ILDR2: variants seen among roughly 807,000 people sequenced by gnomAD.
The protein encoded by ILDR2 is immunoglobulin like domain containing receptor 2.
ILDR2 carries 25 observed loss-of-function variants against 66.8 expected under a neutral mutation model. The observed-to-expected ratio is 0.37, with a 90% confidence interval of 0.27 to 0.52. ILDR2 has a LOEUF of 0.52. ILDR2 is among the 20% of genes least tolerant of loss of function. The probability of loss-of-function intolerance (pLI) is 0.88; values close to 1 mark genes in which losing one functional copy is unlikely to be tolerated. For missense variants in ILDR2, 827 were observed against 876.8 expected, an observed-to-expected ratio of 0.94 and a Z score of 0.72; for synonymous variants, 367 against 357.2, an observed-to-expected ratio of 1.03 and a Z score of -0.31.
At position 166,971,156 on chromosome 1, in the gene ILDR2, C is replaced by A. The variant is rs573235814; in HGVS notation, c.46+4067G>T. Among the ~76,000 whole-genome samples, 18 of 152,338 alleles carry A rather than the reference C, an allele frequency of 1.2e-4. No homozygotes were observed. The South Asian group carries it at 3.3e-3, about 28-fold the overall frequency. The stretch of plus-strand genomic sequence containing the variant: ...TCCAGAGTACAGATCTTTATCACTG[C>A]TTTTGCACAATGCTACTCCATAACT... On this transcript the variant is annotated intron_variant, in intron 1 of 9. Transcript: ENST00000271417.
chr1:166,912,165 T>C lies in ILDR2; in HGVS notation c.*7190A>G, dbSNP rs960011935. On this transcript the variant is annotated 3_prime_UTR_variant, in exon 10 of 10. Coordinates refer to ENST00000271417, the MANE Select transcript of ILDR2 (RefSeq NM_199351.3). Reference sequence around the variant, plus strand: ...AGATTAGGAAGGATAATTAAACTGGTAATTGACTTCTTAAAAGCAAAAATA... The same window carrying C: ...AGATTAGGAAGGATAATTAAACTGGCAATTGACTTCTTAAAAGCAAAAATA... The C allele has an allele frequency of 3.2e-4, 48 of 152,178 alleles. No individual in the cohort carries two copies. The highest frequency in any genetic ancestry group is 1.1e-3 in the African/African-American group (46 of 41,448). 9.4% of individuals were successfully genotyped at this position (152,178 alleles called of 1,614,324 possible). A position where few individuals can be genotyped will look rare whatever the true frequency, so the allele number is the denominator to read the frequency against.
intron 2 of ILDR2, among the ~76,000 whole-genome samples, chr1:166,897,343 C>A (rs766031816): frequency 6.6e-6 from 1 of 152,022 alleles, no homozygotes; most frequent in Non-Finnish European, 1.5e-5. Context: ...TCTCTGGTTC[C>A]GGGGAGGTAA....
chr1:166,967,971 G>A (rs1453480818), intron 1 of ILDR2, among the ~76,000 whole-genome samples: 1 of 152,074 alleles, frequency 6.6e-6, no homozygotes, highest in African/African-American at 2.4e-5. Context: ...GGATCTCATT[G>A]TGTCTCGCCA....
chr1:166,921,726 C>CAA lies in ILDR2; in HGVS notation c.1212-348_1212-347insTT, dbSNP rs1659956303. Among the ~76,000 whole-genome samples, 1 of 152,226 alleles carries CAA rather than the reference C, an allele frequency of 6.6e-6. No homozygotes were observed. The highest frequency in any genetic ancestry group is 2.4e-5 in the African/African-American group (1 of 41,464). On this transcript the variant is annotated intron_variant, in intron 8 of 9. Coordinates refer to ENST00000271417, the MANE Select transcript of ILDR2 (RefSeq NM_199351.3). The surrounding 1 kb of genome is among the most constrained non-coding windows in gnomAD (Gnocchi z 5.3). ...CACGTCTCCACCCTCAAAGCCAGCG[C>CAA]AGGTGTCAGTACACACAGTTATGGT...
At chr1:166,926,926 T>C in intron 7 of ILDR2, 141 bp downstream of exon 7, 2 of 547,168 alleles carry the variant, frequency 3.7e-6, no homozygotes, top group South Asian at 5.8e-5. Context: ...TGAGAGCTAC[T>C]TTCTTCAGTA....
At chr1:166,920,679 G>A (rs903796362) in intron 9 of ILDR2, 28 bp downstream of exon 9, 7 of 1,357,860 alleles carry the variant, frequency 5.2e-6, no homozygotes, top group Non-Finnish European at 6.7e-6. Context: ...CAGTCCCCTC[G>A]GAGGAGGGGA....
intron 2 of ILDR2, among the ~76,000 whole-genome samples, chr1:166,898,743 TG>T (rs1360311971): frequency 6.6e-6 from 1 of 152,202 alleles, no homozygotes; most frequent in African/African-American, 2.4e-5. Context: ...GTCCCTAGTA[TG>T]TACTTAGTGT....
chr1:166,922,451 C>T, intron 8 of ILDR2, 142 bp downstream of exon 8: 2 of 699,722 alleles, frequency 2.9e-6, no homozygotes, highest in South Asian at 3.4e-5. Flanking sequence ...GTTCAATATC[C>T]TGTAGAAAGA....
intron 1 of ILDR2, among the ~76,000 whole-genome samples, chr1:166,968,148 G>C (rs1162195027): frequency 6.6e-6 from 1 of 152,170 alleles, no homozygotes; most frequent in Non-Finnish European, 1.5e-5. Flanking sequence ...GAGCACAAAA[G>C]CTCCTTTCAG....
intron 1 of ILDR2, among the ~76,000 whole-genome samples, chr1:166,970,635 G>C (rs540430950): frequency 2.5e-4 from 38 of 152,284 alleles, no homozygotes; most frequent in Non-Finnish European, 4.7e-4. Flanking sequence ...TACTAACACT[G>C]AACTAAGCAC....
intron 6 of ILDR2, among the ~76,000 whole-genome samples, chr1:166,929,331 A>G (rs1037324328): frequency 3.3e-5 from 5 of 152,214 alleles, no homozygotes; most frequent in Non-Finnish European, 7.4e-5. Context: ...TCATAGCTTG[A>G]AAAGTTCTGT....
intron 2 of ILDR2, among the ~76,000 whole-genome samples, chr1:166,902,107 G>A (rs1007008571): frequency 4.6e-5 from 7 of 152,152 alleles, no homozygotes; most frequent in Admixed American, 2.0e-4. Flanking sequence ...TGATACACCC[G>A]CCTTGGCCTC....
rs1659909163 is a variant in ILDR2 at position 166,921,163 on chromosome 1, C to T, written c.1428G>A (p.Glu476=). The change falls in exon 9 of 10, where the codon GAG becomes GAA. Residue 476 remains glutamate (E), a synonymous_variant. Coordinates refer to ENST00000271417, the MANE Select transcript of ILDR2 (RefSeq NM_199351.3). The surrounding 1 kb of genome is among the most constrained non-coding windows in gnomAD (Gnocchi z 5.3). ...GGCTGCGGCTGCGCTGACCGTAGTA[C>T]TCCTCCAAGGAGTCGTCCTGGTAGA... ...SGFYQDDSLE[E]YYGQRSRSRE... 2.6e-6 allele frequency: 4 copies of T among 1,546,152 alleles called. No homozygotes were observed. The highest frequency in any genetic ancestry group is 3.5e-6 in the Non-Finnish European group (4 of 1,152,792).
chr1:166,936,334 A>G lies in ILDR2; in HGVS notation c.703+257T>C, dbSNP rs1205558035. On this transcript the variant is annotated intron_variant, in intron 5 of 9. Transcript: ENST00000271417. The surrounding 1 kb of genome is among the most constrained non-coding windows in gnomAD (Gnocchi z 5.0). ...CCAAACCTGCCCTTCCATTTTATCA[A>G]TAGTGTCCATGAGAATTCCAAATGC... Among the ~76,000 whole-genome samples the G allele has an allele frequency of 2.6e-5, 4 of 152,156 alleles. No homozygotes were observed. Among genetic ancestry groups the G allele is most frequent in the Non-Finnish European group, 4.4e-5 (3 of 68,030 alleles).
intron 3 of ILDR2, among the ~76,000 whole-genome samples, chr1:166,941,756 C>T (rs1661323312): frequency 6.6e-6 from 1 of 152,074 alleles, no homozygotes; most frequent in African/African-American, 2.4e-5. Flanking sequence ...TGTTTACTCT[C>T]CACTTCTCAA....
Position 166,919,181 on chromosome 1 carries a change from G to C in ILDR2, c.*174C>G, listed in dbSNP as rs932906385. 4 of 610,166 alleles carry C rather than the reference G, an allele frequency of 6.6e-6. No homozygotes were observed. Among genetic ancestry groups the C allele is most frequent in the Non-Finnish European group, 1.2e-5 (4 of 337,648 alleles). The allele number at this position is 610,166 out of a possible 1,614,324, so 37.8% of individuals were successfully genotyped here. A position where few individuals can be genotyped will look rare whatever the true frequency, so the allele number is the denominator to read the frequency against. On this transcript the variant is annotated 3_prime_UTR_variant, in exon 10 of 10. Coordinates refer to ENST00000271417, the MANE Select transcript of ILDR2 (RefSeq NM_199351.3). ...CTCAAACTAGTTAGATGGGCACAGA[G>C]GTTTGAAATCAGCCTCCCTTAAAGG...
In ILDR2 at chr1:166,913,692, T is replaced by C. The variant is rs559941534; in HGVS notation, c.*5663A>G. 1 of 152,382 alleles carries C rather than the reference T, an allele frequency of 6.6e-6. No homozygotes were observed. Among genetic ancestry groups the C allele is most frequent in the African/African-American group, 2.4e-5 (1 of 41,600 alleles). The allele number at this position is 152,382 out of a possible 1,614,324, so 9.4% of individuals were successfully genotyped here. ...AAATGTAGTGAAGATGCCAGATTTT[T>C]GCTGTTAAGCAGCTTCTGCCTGGAG... On this transcript the variant is annotated 3_prime_UTR_variant, in exon 10 of 10. Transcript: ENST00000271417.
At chr1:166,928,998 A>C (rs1660468218) in intron 6 of ILDR2, among the ~76,000 whole-genome samples, 2 of 152,206 alleles carry the variant, frequency 1.3e-5, no homozygotes, top group African/African-American at 2.4e-5. Context: ...CAGACAGTTC[A>C]ATTAAAATGC....
chr1:166,974,995 G>A (rs1663507825), intron 1 of ILDR2, among the ~76,000 whole-genome samples: 1 of 151,266 alleles, frequency 6.6e-6, no homozygotes. Flanking sequence ...TTGTCATTGG[G>A]CTTCTCCCCC....
Sources: gnomAD v4.1 joint callset for allele counts (sites outside exome capture counted in the v4.1 genomes callset) on GRCh38, gnomAD v4.1.1 for gene constraint, Gnocchi (gnomAD v3.1) non-coding constraint, MANE v1.5 for transcripts, NCBI Gene and HGNC (gene_info 2026-07-23, HGNC 2026-07-21) for gene names.